Variants in HMBOX1 observed in about 807,000 individuals in gnomAD.
HMBOX1 encodes the protein homeobox containing 1, also known as homeobox-containing protein 1.
Under a neutral mutation model 54.5 loss-of-function variants are expected in HMBOX1, and 14 were observed. That is an observed-to-expected ratio of 0.26 (90% CI 0.17 to 0.40). The LOEUF (loss-of-function observed/expected upper bound fraction) is 0.40, where lower values mean the gene tolerates loss of function less well. Among genes scored for constraint, HMBOX1 ranks in the 10% least tolerant of loss-of-function variants. HMBOX1 has a pLI of 1.00. For missense variants in HMBOX1, 332 were observed against 514.4 expected (o/e 0.65, Z 3.43); for synonymous variants, 160 against 181.0 (o/e 0.88, Z 0.93).
At chr8:28,961,903 T>G (rs1277464874) in intron 1 of HMBOX1, among the ~76,000 whole-genome samples, 3 of 141,158 alleles carry the variant, frequency 2.1e-5, no homozygotes, top group East Asian at 2.2e-4. Context: ...TATTTTTTTT[T>G]TTTTTTTTTC....
chr8:29,019,071 A>G (rs1432976881), intron 6 of HMBOX1, among the ~76,000 whole-genome samples, 158 bp downstream of exon 6: 2 of 152,202 alleles, frequency 1.3e-5, no homozygotes, highest in Non-Finnish European at 2.9e-5. Flanking sequence ...TTATAGAAAT[A>G]AGGTCATCTT....
intron 1 of HMBOX1, among the ~76,000 whole-genome samples, chr8:28,929,337 C>T (rs892793601): frequency 1.3e-5 from 2 of 152,144 alleles, no homozygotes; most frequent in Admixed American, 1.3e-4. Flanking sequence ...TTCTTGTTGG[C>T]TCTGTAAAGA....
chr8:29,029,549 T>A (rs1183719790), intron 6 of HMBOX1, among the ~76,000 whole-genome samples: 1 of 152,200 alleles, frequency 6.6e-6, no homozygotes, highest in Non-Finnish European at 1.5e-5. Context: ...CATTTACCTA[T>A]ATTTGGTCAC....
intron 1 of HMBOX1, among the ~76,000 whole-genome samples, chr8:28,933,784 G>T (rs1212819495): frequency 6.6e-6 from 1 of 152,174 alleles, no homozygotes; most frequent in Non-Finnish European, 1.5e-5. Flanking sequence ...AAAGTCTATA[G>T]TGGACTTTAA....
At chr8:28,908,258 T>C (rs1814719664) in intron 1 of HMBOX1, among the ~76,000 whole-genome samples, 1 of 152,224 alleles carries the variant, frequency 6.6e-6, no homozygotes, top group Admixed American at 6.5e-5. Context: ...AATTAGCTTG[T>C]CTTGTTTTGT....
Position 28,963,830 on chromosome 8 carries a change from C to A in HMBOX1, c.-38C>A. 1.3e-6 allele frequency: 2 copies of A among 1,551,738 alleles called. No individual in the cohort carries two copies. Among genetic ancestry groups the A allele is most frequent in the Non-Finnish European group, 8.8e-7 (1 of 1,133,698 alleles). On this transcript the variant is annotated 5_prime_UTR_variant, in exon 2 of 10. Transcript: ENST00000287701. ...CTACAGAATGGTAGATAACGCAGAT[C>A]ATCTCTGGAAAGGATATTGATCCGC...
At chr8:28,898,224 C>T (rs1345172008) in intron 1 of HMBOX1, among the ~76,000 whole-genome samples, 3 of 116,604 alleles carry the variant, frequency 2.6e-5, no homozygotes, top group South Asian at 3.1e-4. Context: ...TTTGTCAATA[C>T]TGTGATAATT....
At position 28,929,160 on chromosome 8, in the gene HMBOX1, A is replaced by G. The variant is rs369605338; in HGVS notation, c.-57-34651A>G. 1.1e-4 allele frequency among the ~76,000 whole-genome samples: 17 copies of G among 152,292 alleles called. No homozygotes were observed. In the East Asian group the frequency reaches 3.1e-3, roughly 28 times the overall value. ...TTATGCCCCAATAAAGTTTTGGGGAAATAAATCTGAGAGGCGTGGTACAAA... is the reference window on the plus strand; with the variant it reads ...TTATGCCCCAATAAAGTTTTGGGGAGATAAATCTGAGAGGCGTGGTACAAA... On this transcript the variant is annotated intron_variant, in intron 1 of 9. Coordinates refer to ENST00000287701, the MANE Select transcript of HMBOX1 (RefSeq NM_001135726.3).
intron 1 of HMBOX1, 125 bp downstream of exon 1, chr8:28,890,803 C>T (rs117901466): frequency 0.01 from 1,529 of 152,496 alleles, 13 homozygotes; most frequent in Middle Eastern, 0.027. Flanking sequence ...GGATGGGTCT[C>T]GTAAGCGGCC....
chr8:29,001,053 C>A (rs1396381038), intron 4 of HMBOX1, among the ~76,000 whole-genome samples: 2 of 152,108 alleles, frequency 1.3e-5, no homozygotes, highest in Non-Finnish European at 2.9e-5. Context: ...GTTTTTACTT[C>A]ACTATTCTCA....
intron 1 of HMBOX1, among the ~76,000 whole-genome samples, chr8:28,925,774 CT>C (rs1205410214): frequency 6.6e-6 from 1 of 151,870 alleles, no homozygotes; most frequent in Non-Finnish European, 1.5e-5. Flanking sequence ...CTCATAAAGG[CT>C]TTTTTATATT....
intron 6 of HMBOX1, among the ~76,000 whole-genome samples, chr8:29,029,317 T>C (rs764660771): frequency 6.6e-6 from 1 of 152,224 alleles, no homozygotes; most frequent in Non-Finnish European, 1.5e-5. Flanking sequence ...AGATTACACC[T>C]AGCCAGAGAA....
chr8:28,993,718 G>T (rs1248327250), intron 4 of HMBOX1, among the ~76,000 whole-genome samples: 1 of 152,084 alleles, frequency 6.6e-6, no homozygotes, highest in Non-Finnish European at 1.5e-5. Flanking sequence ...ACAATAATCT[G>T]TACCGGCCAG....
chr8:28,900,469 C>G (rs985211233), intron 1 of HMBOX1, among the ~76,000 whole-genome samples: 3 of 151,888 alleles, frequency 2.0e-5, no homozygotes, highest in East Asian at 3.9e-4. Flanking sequence ...GTGGAAGTCT[C>G]AAATATCTGT....
At chr8:28,916,422 T>C (rs1170203685) in intron 1 of HMBOX1, among the ~76,000 whole-genome samples, 2 of 152,226 alleles carry the variant, frequency 1.3e-5, no homozygotes, top group African/African-American at 4.8e-5. Flanking sequence ...TGTTTTGTTC[T>C]AGAAGTTTTA....
At chr8:29,027,974 T>G (rs1178376450) in intron 6 of HMBOX1, among the ~76,000 whole-genome samples, 1 of 152,208 alleles carries the variant, frequency 6.6e-6, no homozygotes, top group Non-Finnish European at 1.5e-5. Context: ...CATGGTCATC[T>G]TCAGTGAGCA....
intron 1 of HMBOX1, among the ~76,000 whole-genome samples, chr8:28,920,164 C>T (rs1040494517): frequency 6.6e-6 from 1 of 152,068 alleles, no homozygotes; most frequent in Non-Finnish European, 1.5e-5. Flanking sequence ...ATATGTTAAC[C>T]TTTTATTTAT....
intron 1 of HMBOX1, among the ~76,000 whole-genome samples, chr8:28,915,067 T>G (rs2131710894): frequency 6.6e-6 from 1 of 152,338 alleles, no homozygotes; most frequent in South Asian, 2.1e-4. Flanking sequence ...TGGCAAAAAT[T>G]GATCCAGAGG....
At chr8:28,950,041 T>G (rs1213020378) in intron 1 of HMBOX1, 1 of 152,224 alleles carries the variant, frequency 6.6e-6, no homozygotes, top group Non-Finnish European at 1.5e-5. Flanking sequence ...ATATCCTAAG[T>G]GCTGTCAAGT....
Sources: gnomAD v4.1 joint callset for allele counts (sites outside exome capture counted in the v4.1 genomes callset) on GRCh38, gnomAD v4.1.1 for gene constraint, MANE v1.5 for transcripts, NCBI Gene and HGNC (gene_info 2026-07-23, HGNC 2026-07-21) for gene names.